VPS13B: variants seen among roughly 807,000 people sequenced by gnomAD.
VPS13B encodes the protein intermembrane lipid transfer protein VPS13B.
A neutral mutation model predicts 426.4 loss-of-function variants in VPS13B; 285 were observed. The observed-to-expected ratio is 0.67, with a 90% CI of 0.61 to 0.74. The LOEUF is 0.74. VPS13B is among the 30% of genes least tolerant of loss of function. VPS13B has a pLI of 0.00. For missense variants in VPS13B, 4,537 were observed against 4,782.6 expected, an observed-to-expected ratio of 0.95 and a Z score of 1.51; for synonymous variants, 1,676 against 1,676.4, an observed-to-expected ratio of 1.00 and a Z score of 0.01.
chr8:99,768,237 A>G (rs1811324812), intron 40 of VPS13B, among the ~76,000 whole-genome samples: 1 of 152,074 alleles, frequency 6.6e-6, no homozygotes, highest in Non-Finnish European at 1.5e-5. Flanking sequence ...TTGTTATCTT[A>G]TTCCTTTTAT....
chr8:99,584,845 C>A (rs1826230396), intron 33 of VPS13B, among the ~76,000 whole-genome samples: 1 of 152,010 alleles, frequency 6.6e-6, no homozygotes, highest in South Asian at 2.1e-4. Flanking sequence ...CAGCATTAAA[C>A]AAAAGAGGTA....
chr8:99,615,217 CAT>C (rs1026478769), intron 33 of VPS13B, among the ~76,000 whole-genome samples: 72 of 151,376 alleles, frequency 4.8e-4, no homozygotes, highest in African/African-American at 1.6e-3. Context: ...AATAATTACT[CAT>C]GTGTTATTAT....
chr8:99,719,554 C>T (rs1050646360), intron 37 of VPS13B, among the ~76,000 whole-genome samples: 41 of 152,058 alleles, frequency 2.7e-4, no homozygotes, highest in African/African-American at 9.7e-4. Flanking sequence ...TTCTTTTCTG[C>T]GTTACCTGGT....
intron 61 of VPS13B, among the ~76,000 whole-genome samples, chr8:99,874,568 G>C (rs981540460): frequency 1.3e-5 from 2 of 151,980 alleles, no homozygotes; most frequent in African/African-American, 4.8e-5. Flanking sequence ...AAAAACCACG[G>C]AAAGTTTGGT....
chr8:99,556,280 A>T (rs534124505), intron 30 of VPS13B, among the ~76,000 whole-genome samples, 170 bp from the exon 31 acceptor site: 1 of 152,146 alleles, frequency 6.6e-6, no homozygotes, highest in Non-Finnish European at 1.5e-5. Flanking sequence ...TCAAGTCATA[A>T]TATGTACTAA....
chr8:99,808,730 G>A (rs1813537019), intron 43 of VPS13B, among the ~76,000 whole-genome samples: 1 of 151,390 alleles, frequency 6.6e-6, no homozygotes, highest in African/African-American at 2.4e-5. Context: ...ACATGGCAAT[G>A]CTACATGAAT....
chr8:99,442,301 A>G, intron 22 of VPS13B, 100 bp from the exon 23 acceptor site: 2 of 969,020 alleles, frequency 2.1e-6, no homozygotes, highest in Non-Finnish European at 3.2e-6. Flanking sequence ...TAAATATGGA[A>G]CATTTACTTT....
rs142056456 is a variant in VPS13B, at chr8:99,717,110, CT to C, written c.6455-58del. 5,708 of 1,479,014 alleles carry C rather than the reference CT, an allele frequency of 3.9e-3. 189 individuals carry two copies. In the African/African-American group the frequency reaches 0.07, roughly 18 times the overall value. The allele number at this position is 1,479,014 out of a possible 1,614,324, so 91.6% of individuals were successfully genotyped here. On this transcript the variant is annotated intron_variant, in intron 36 of 61. Transcript: ENST00000357162. ...ATACTCTTCAAAAATATAGATAGTT[CT>C]TTCCCAAACATTTTTTTTGATAAGG... is the stretch of plus-strand genomic sequence containing the variant.
chr8:99,589,126 C>G (rs901291286), intron 33 of VPS13B, among the ~76,000 whole-genome samples: 1 of 151,646 alleles, frequency 6.6e-6, no homozygotes, highest in South Asian at 2.1e-4. Flanking sequence ...GTTGAACCAG[C>G]CTTGCATCCC....
At chr8:99,068,035 T>C (rs1844637692) in intron 3 of VPS13B, among the ~76,000 whole-genome samples, 1 of 152,236 alleles carries the variant, frequency 6.6e-6, no homozygotes, top group Non-Finnish European at 1.5e-5. Flanking sequence ...TTTTATATTA[T>C]GTAGCTCTTA....
At chr8:99,189,332 G>A (rs1303162282) in intron 16 of VPS13B, among the ~76,000 whole-genome samples, 2 of 152,304 alleles carry the variant, frequency 1.3e-5, no homozygotes, top group East Asian at 1.9e-4. Context: ...GGGTAGGAAG[G>A]ATAATAGAAA....
At chr8:99,087,476 T>A (rs1214356817) in intron 3 of VPS13B, among the ~76,000 whole-genome samples, 1 of 152,032 alleles carries the variant, frequency 6.6e-6, no homozygotes, top group Non-Finnish European at 1.5e-5. Flanking sequence ...GCATCTACTT[T>A]CTGACACTCC....
At chr8:99,775,863 G>T (rs1171900200) in intron 40 of VPS13B, among the ~76,000 whole-genome samples, 2 of 152,008 alleles carry the variant, frequency 1.3e-5, no homozygotes, top group African/African-American at 2.4e-5. Context: ...GTGCCACGCT[G>T]CTCCAGCCTG....
chr8:99,787,875 A>T (rs1034202793), intron 43 of VPS13B, among the ~76,000 whole-genome samples: 2 of 152,090 alleles, frequency 1.3e-5, no homozygotes, highest in Non-Finnish European at 2.9e-5. Context: ...AGCCTCAAAC[A>T]TGTATAATTT....
At chr8:99,599,772 T>TA (rs1827196677) in intron 33 of VPS13B, among the ~76,000 whole-genome samples, 1 of 152,090 alleles carries the variant, frequency 6.6e-6, no homozygotes, top group South Asian at 2.1e-4. Flanking sequence ...AATAGAGGAA[T>TA]AAAAAATAAA....
chr8:99,621,248 A>G (rs912424064), intron 33 of VPS13B, among the ~76,000 whole-genome samples: 10 of 152,216 alleles, frequency 6.6e-5, no homozygotes, highest in South Asian at 2.1e-4. Context: ...GTCTCTCTGT[A>G]TATGGAGATA....
intron 19 of VPS13B, among the ~76,000 whole-genome samples, chr8:99,365,915 A>G (rs957650203): frequency 3.3e-5 from 5 of 149,832 alleles, no homozygotes; most frequent in Non-Finnish European, 7.4e-5. Context: ...ACTGATTTGT[A>G]GTTTTATTCC....
chr8:99,826,271 G>A lies in VPS13B; in HGVS notation c.9330+2293G>A, dbSNP rs182600800. Reference sequence around the variant, plus strand: ...TGAGCAGTGGTACATAGTTCTCCTTGAAGAGGTCCTTCACATCCCTTGTAA... The same window carrying A: ...TGAGCAGTGGTACATAGTTCTCCTTAAAGAGGTCCTTCACATCCCTTGTAA... On this transcript the variant is annotated intron_variant, in intron 51 of 61. Coordinates refer to ENST00000357162, the MANE Select transcript of VPS13B (RefSeq NM_152564.5). 9.9e-5 allele frequency among the ~76,000 whole-genome samples: 15 copies of A among 152,254 alleles called. No homozygotes were observed. The East Asian group carries it at 2.7e-3, about 27-fold the overall frequency.
chr8:99,414,985 A>T (rs1815913274), intron 21 of VPS13B, among the ~76,000 whole-genome samples: 1 of 152,108 alleles, frequency 6.6e-6, no homozygotes, highest in South Asian at 2.1e-4. Flanking sequence ...CTCCTGGATA[A>T]TATCCTGAAG....
Sources: gnomAD v4.1 joint callset for allele counts (sites outside exome capture counted in the v4.1 genomes callset) on GRCh38, gnomAD v4.1.1 for gene constraint, MANE v1.5 for transcripts, NCBI Gene and HGNC (gene_info 2026-07-23, HGNC 2026-07-21) for gene names.